TDRD3: variants seen among roughly 807,000 people sequenced by gnomAD.
The protein encoded by TDRD3 is tudor domain-containing protein 3.
A neutral mutation model predicts 86.7 loss-of-function variants in TDRD3; 45 were observed. The ratio of observed to expected loss-of-function variants is 0.52; its 90% confidence interval spans 0.41 to 0.67. The LOEUF (loss-of-function observed/expected upper bound fraction) is 0.67, where lower values mean the gene tolerates loss of function less well. Ranked by LOEUF, TDRD3 falls within the 30% of genes least tolerant of loss-of-function variation. TDRD3 has a pLI of 0.00. For synonymous variants in TDRD3, 298 were observed against 301.7 expected, an observed-to-expected ratio of 0.99 and a Z score of 0.13; for missense variants, 814 against 889.0, an observed-to-expected ratio of 0.92 and a Z score of 1.07.
intron 3 of TDRD3, among the ~76,000 whole-genome samples, chr13:60,455,613 T>A (rs1259433795): frequency 6.6e-6 from 1 of 152,334 alleles, no homozygotes; most frequent in East Asian, 1.9e-4. Flanking sequence ...TCTCTTAATT[T>A]TAATCTACTT....
intron 1 of TDRD3, among the ~76,000 whole-genome samples, chr13:60,415,885 T>C (rs1262400567): frequency 6.6e-6 from 1 of 152,152 alleles, no homozygotes; most frequent in Non-Finnish European, 1.5e-5. Flanking sequence ...AAACATTCTT[T>C]AGAGACAAAC....
Position 60,483,900 on chromosome 13 carries a change from T to C in TDRD3, c.567+54T>C. ...TTAAATTAGGAAAAAGTGTTTTTCA[T>C]TAGCATTCAAGCTGTGTTTCATTAT... On this transcript the variant is annotated intron_variant, in intron 6 of 13. Coordinates refer to ENST00000377881, the MANE Select transcript of TDRD3 (RefSeq NM_001146070.2). 1.9e-6 allele frequency: 3 copies of C among 1,549,364 alleles called. No homozygotes were observed. In the South Asian group the frequency reaches 3.4e-5, roughly 17 times the overall value.
chr13:60,560,802 A>G (rs973055345), intron 12 of TDRD3, among the ~76,000 whole-genome samples: 1 of 152,196 alleles, frequency 6.6e-6, no homozygotes, highest in Non-Finnish European at 1.5e-5. Context: ...TAGAACCACA[A>G]TGGGATGTCC....
intron 12 of TDRD3, among the ~76,000 whole-genome samples, chr13:60,561,891 T>C (rs527671876): frequency 6.7e-6 from 1 of 149,412 alleles, no homozygotes; most frequent in Admixed American, 6.7e-5. Context: ...GTTGTTGTTG[T>C]TGTTTGTAGT....
chr13:60,435,140 A>G (rs1413417840), intron 1 of TDRD3, among the ~76,000 whole-genome samples: 3 of 152,202 alleles, frequency 2.0e-5, no homozygotes. Context: ...GTATTAACAA[A>G]AGGATCAGTA....
chr13:60,408,495 A>G (rs1329175714), intron 1 of TDRD3, among the ~76,000 whole-genome samples: 2 of 152,182 alleles, frequency 1.3e-5, no homozygotes, highest in African/African-American at 4.8e-5. Flanking sequence ...CAAAATGCTG[A>G]TAGTGATATG....
intron 1 of TDRD3, among the ~76,000 whole-genome samples, chr13:60,433,426 C>CA (rs1366776502): frequency 6.6e-6 from 1 of 152,190 alleles, no homozygotes; most frequent in African/African-American, 2.4e-5. Context: ...GTAAACAACT[C>CA]ACCAGAGAAC....
chr13:60,504,018 A>T (rs1956886063), intron 8 of TDRD3, among the ~76,000 whole-genome samples: 1 of 152,202 alleles, frequency 6.6e-6, no homozygotes, highest in Non-Finnish European at 1.5e-5. Flanking sequence ...TTCAATGCTC[A>T]ATTTATGAAA....
At position 60,528,804 on chromosome 13, in the gene TDRD3, G is replaced by A. The variant is rs768278917; in HGVS notation, c.1579G>A (p.Asp527Asn). The change falls in exon 11 of 14, where the codon GAT (aspartate) becomes AAT (asparagine). Residue 527 changes from aspartate to asparagine, a missense_variant. Transcript: ENST00000377881. ...KENPLPQGSV[D>N]YNNQKRGKRE... The stretch of plus-strand genomic sequence containing the variant: ...AAATCCACTTCCTCAAGGATCTGTA[G>A]ATTATAATAATCAAAAACGTGGAAA... 6.2e-7 allele frequency: 1 copy of A among 1,613,792 alleles called. No homozygotes were observed. The highest frequency in any genetic ancestry group is 1.1e-5 in the South Asian group (1 of 90,988).
intron 2 of TDRD3, among the ~76,000 whole-genome samples, chr13:60,440,161 C>G (rs1955224831): frequency 6.6e-6 from 1 of 151,812 alleles, no homozygotes; most frequent in African/African-American, 2.4e-5. Context: ...TTTATTGTTT[C>G]AAAATAACTT....
chr13:60,418,701 A>G lies in TDRD3; in HGVS notation c.42-20987A>G, dbSNP rs371484157. On this transcript the variant is annotated intron_variant, in intron 1 of 13. Coordinates refer to ENST00000377881, the MANE Select transcript of TDRD3 (RefSeq NM_001146070.2). ...ACCCCCATTCTAAATGTTATATAGA[A>G]TGTTTTCATCACCCAAGAAAGTTTT... Among the ~76,000 whole-genome samples, 56 of 152,310 alleles carry G rather than the reference A, an allele frequency of 3.7e-4. No individual in the cohort carries two copies. In the East Asian group the frequency reaches 7.9e-3, roughly 21 times the overall value.
intron 2 of TDRD3, among the ~76,000 whole-genome samples, chr13:60,441,650 C>T (rs1955276758): frequency 1.3e-5 from 2 of 152,002 alleles, no homozygotes; most frequent in Non-Finnish European, 2.9e-5. Context: ...TTGAGAAAGA[C>T]GTGTATTATT....
intron 6 of TDRD3, chr13:60,484,795 G>A (rs1297057410): frequency 7.3e-6 from 3 of 409,460 alleles, no homozygotes; most frequent in Non-Finnish European, 1.4e-5. Context: ...CCTCCACAGG[G>A]AAAACAGTGT....
rs868794095 is a variant in TDRD3 at position 60,397,285 on chromosome 13, T to A, written c.-80T>A. The A allele has an allele frequency of 8.5e-3, 5,293 of 620,422 alleles. No individual in the cohort carries two copies. The highest frequency in any genetic ancestry group is 0.017 in the South Asian group (540 of 31,422). 38.4% of individuals were successfully genotyped at this position (620,422 alleles called of 1,614,324 possible). On this transcript the variant is annotated 5_prime_UTR_variant, in exon 1 of 14. The change creates a premature stop within an existing upstream ORF in the 5' untranslated region. Transcript: ENST00000377881. ...TTCTTTTCTTTTCTTTTTTTTTTTT[T>A]AAGGGGGGGGGTCTCAAGTAGGAGG... is the stretch of plus-strand genomic sequence containing the variant.
At chr13:60,532,230 C>A (rs1219342708) in intron 11 of TDRD3, among the ~76,000 whole-genome samples, 4 of 152,132 alleles carry the variant, frequency 2.6e-5, no homozygotes, top group African/African-American at 7.2e-5. Flanking sequence ...CAGTACCTAA[C>A]AAAACAGTAC....
At chr13:60,499,694 T>A (rs1443416363) in intron 8 of TDRD3, among the ~76,000 whole-genome samples, 1 of 152,224 alleles carries the variant, frequency 6.6e-6, no homozygotes, top group Admixed American at 6.5e-5. Context: ...AGGAATGTTC[T>A]GCCTCAGGAA....
intron 11 of TDRD3, among the ~76,000 whole-genome samples, chr13:60,532,253 G>A (rs1263146379): frequency 6.6e-6 from 1 of 152,150 alleles, no homozygotes; most frequent in Non-Finnish European, 1.5e-5. Context: ...AAAGTGTTTT[G>A]AGTGATTGGA....
intron 12 of TDRD3, among the ~76,000 whole-genome samples, chr13:60,543,028 T>A (rs1347174155): frequency 1.3e-5 from 2 of 152,200 alleles, no homozygotes; most frequent in Non-Finnish European, 2.9e-5. Context: ...AGCTTCCAGC[T>A]CCATTAAACT....
chr13:60,476,178 A>AG (rs1337648585), intron 5 of TDRD3, among the ~76,000 whole-genome samples: 5 of 152,162 alleles, frequency 3.3e-5, no homozygotes, highest in Admixed American at 6.5e-5. Flanking sequence ...TTTAGATGTT[A>AG]CATTAAAGTC....
Sources: allele counts gnomAD v4.1 joint callset (sites outside exome capture counted in the v4.1 genomes callset), GRCh38; gene constraint gnomAD v4.1.1; transcripts MANE v1.5; gene names NCBI Gene and HGNC (gene_info 2026-07-23, HGNC 2026-07-21).